USP22: variants seen among roughly 807,000 people sequenced by gnomAD.
USP22 encodes the protein ubiquitin specific peptidase 22.
Under a neutral mutation model 68.1 loss-of-function variants are expected in USP22, and 22 were observed. The observed-to-expected ratio is 0.32, with a 90% CI of 0.23 to 0.46. The LOEUF (loss-of-function observed/expected upper bound fraction) is 0.46. USP22 is among the 20% of genes least tolerant of loss of function. The probability of loss-of-function intolerance (pLI) is 1.00; values close to 1 mark genes in which losing one functional copy is unlikely to be tolerated. For missense variants in USP22, 433 were observed against 695.8 expected, an observed-to-expected ratio of 0.62 and a Z score of 4.25; for synonymous variants, 279 against 274.2, an observed-to-expected ratio of 1.02 and a Z score of -0.17.
At position 21,001,206 on chromosome 17, in the gene USP22, A is replaced by C. The variant is rs1913565245; in HGVS notation, c.*1825T>G. 1 of 152,216 alleles carries C rather than the reference A, an allele frequency of 6.6e-6. No homozygotes were observed. The highest frequency in any genetic ancestry group is 2.4e-5 in the African/African-American group (1 of 41,442). The allele number at this position is 152,216 out of a possible 1,614,324, so 9.4% of individuals were successfully genotyped here. A position where few individuals can be genotyped will look rare whatever the true frequency, so the allele number is the denominator to read the frequency against. On this transcript the variant is annotated 3_prime_UTR_variant, in exon 13 of 13. Coordinates refer to ENST00000261497, the MANE Select transcript of USP22 (RefSeq NM_015276.2). ...AACATGCTTCCATGTGAATTCTTTA[A>C]GTGCAGAAAAACAACAGAAAATGAA...
chr17:21,016,392 G>A (rs2054463), intron 5 of USP22, among the ~76,000 whole-genome samples: 1 of 151,574 alleles, frequency 6.6e-6, no homozygotes, highest in Non-Finnish European at 1.5e-5. Context: ...AACTCCAGCC[G>A]CAGACCCAGC....
Position 21,019,148 on chromosome 17 carries a change from T to C in USP22, c.456A>G (p.Lys152=). ...GEKFSTWEPT[K]RELELLKHNP... ...TGTGCTTCAGCAGTTCAAGCTCCCG[T>C]TTGGTTGGTTCCCAAGTTGAAAACT... The change falls in exon 4 of 13, where the codon AAA becomes AAG. Residue 152 remains lysine (K), a synonymous_variant. Transcript: ENST00000261497. The C allele has an allele frequency of 6.2e-7, 1 of 1,614,200 alleles. No homozygotes were observed.
intron 6 of USP22, among the ~76,000 whole-genome samples, chr17:21,014,285 A>T (rs900378956): frequency 2.0e-5 from 3 of 152,224 alleles, no homozygotes; most frequent in Non-Finnish European, 4.4e-5. Context: ...TGTCATGTGA[A>T]CATTTAACAG....
At chr17:21,031,501 C>G (rs1972290839) in intron 1 of USP22, among the ~76,000 whole-genome samples, 1 of 151,984 alleles carries the variant, frequency 6.6e-6, no homozygotes, top group East Asian at 1.9e-4. Flanking sequence ...TCTCTCTCTA[C>G]TACACAACCT....
intron 1 of USP22, among the ~76,000 whole-genome samples, chr17:21,031,688 C>T (rs1036754544): frequency 1.3e-5 from 2 of 150,468 alleles, no homozygotes; most frequent in Non-Finnish European, 3.0e-5. Flanking sequence ...TATAGTCTCT[C>T]TCTACTACAC....
chr17:21,039,615 T>TCAAGCCTG (rs1972401317), intron 1 of USP22, among the ~76,000 whole-genome samples: 1 of 152,120 alleles, frequency 6.6e-6, no homozygotes, highest in Non-Finnish European at 1.5e-5. Context: ...CAGAAATTTA[T>TCAAGCCTG]CAAGCCTGGT....
At position 21,018,164 on chromosome 17, in the gene USP22, G is replaced by A. The variant is rs555230777; in HGVS notation, c.521-53C>T. The A allele has an allele frequency of 3.5e-5, 52 of 1,485,544 alleles. No homozygotes were observed. In the South Asian group the frequency reaches 6.8e-4, roughly 20 times the overall value. The allele number at this position is 1,485,544 out of a possible 1,614,324, so 92.0% of individuals were successfully genotyped here. Reference sequence around the variant, plus strand: ...GTTACCTGTGTGCTGAACCACAGGTGTCGCTGGATCCCAGCGGCTTCCTCT... The same window carrying A: ...GTTACCTGTGTGCTGAACCACAGGTATCGCTGGATCCCAGCGGCTTCCTCT... On this transcript the variant is annotated intron_variant, in intron 4 of 12. Coordinates refer to ENST00000261497, the MANE Select transcript of USP22 (RefSeq NM_015276.2).
At chr17:21,035,363 T>G (rs1415097361) in intron 1 of USP22, among the ~76,000 whole-genome samples, 1 of 152,200 alleles carries the variant, frequency 6.6e-6, no homozygotes, top group Non-Finnish European at 1.5e-5. Context: ...AAGACTCACA[T>G]ATCCATTAGG....
At chr17:21,005,663 G>C (rs2143515061) in intron 10 of USP22, among the ~76,000 whole-genome samples, 1 of 152,328 alleles carries the variant, frequency 6.6e-6, no homozygotes, top group South Asian at 2.1e-4. Flanking sequence ...GTGTGCCACA[G>C]GGGTGGGACA....
chr17:21,018,265 T>TA, intron 4 of USP22, 154 bp from the exon 5 acceptor site: 2 of 682,792 alleles, frequency 2.9e-6, no homozygotes, highest in Non-Finnish European at 4.7e-6. Flanking sequence ...TGCTAGTTTT[T>TA]ATGCCACTTT....
chr17:21,007,043 G>A (rs1316463820), intron 9 of USP22, 56 bp from the exon 10 acceptor site: 1 of 1,461,208 alleles, frequency 6.8e-7, no homozygotes. Flanking sequence ...AAATGTCACT[G>A]GAAGCTTCAG....
intron 5 of USP22, among the ~76,000 whole-genome samples, chr17:21,017,403 C>T (rs948393595): frequency 2.0e-5 from 3 of 152,228 alleles, no homozygotes; most frequent in Non-Finnish European, 4.4e-5. Flanking sequence ...GAGGCGGCAG[C>T]CGTGAACGCC....
chr17:21,008,197 A>C (rs1913837708), intron 8 of USP22, among the ~76,000 whole-genome samples: 1 of 152,172 alleles, frequency 6.6e-6, no homozygotes, highest in Non-Finnish European at 1.5e-5. Flanking sequence ...TATCTTAAAT[A>C]TTTTTTTTCC....
chr17:21,038,651 G>A (rs1597702920), intron 1 of USP22, among the ~76,000 whole-genome samples: 1 of 145,588 alleles, frequency 6.9e-6, no homozygotes, highest in African/African-American at 2.6e-5. Context: ...CTGAGTGAGA[G>A]ACAGACCCTG....
intron 3 of USP22, 88 bp from the exon 4 acceptor site, chr17:21,019,273 T>A: frequency 1.5e-6 from 2 of 1,324,058 alleles, no homozygotes; most frequent in Non-Finnish European, 2.2e-6. Flanking sequence ...CGCTATGCTG[T>A]CTGTCAGGGT....
Position 21,042,888 on chromosome 17 carries a change from G to T in USP22, c.-53C>A. ...GGGCGGCGGCGAGGGAGGCGAGGAC[G>T]ACGCCAGCGCGGCGTGGGGGCTGCT... On this transcript the variant is annotated 5_prime_UTR_variant, in exon 1 of 13. Coordinates refer to ENST00000261497, the MANE Select transcript of USP22 (RefSeq NM_015276.2). The T allele has an allele frequency of 8.5e-7, 1 of 1,181,786 alleles. No homozygotes were observed. The highest frequency in any genetic ancestry group is 1.1e-6 in the Non-Finnish European group (1 of 943,806). The allele number at this position is 1,181,786 out of a possible 1,614,324, so 73.2% of individuals were successfully genotyped here.
intron 1 of USP22, among the ~76,000 whole-genome samples, chr17:21,034,615 C>T (rs752008896): frequency 2.0e-5 from 3 of 152,136 alleles, no homozygotes; most frequent in Non-Finnish European, 2.9e-5. Flanking sequence ...CCAGCTTCTC[C>T]GTGCCATCTA....
chr17:21,023,880 GTGA>G (rs1322676534), intron 2 of USP22, among the ~76,000 whole-genome samples: 1 of 152,172 alleles, frequency 6.6e-6, no homozygotes, highest in Non-Finnish European at 1.5e-5. Context: ...CCAGAGCTGT[GTGA>G]TGATTAGGTT....
intron 4 of USP22, 26 bp from the exon 5 acceptor site, chr17:21,018,137 G>T (rs753768076): frequency 2.0e-5 from 31 of 1,543,954 alleles, no homozygotes; most frequent in Non-Finnish European, 2.6e-5. Flanking sequence ...CAGAGAGCAG[G>T]AGTTACCTGT....
Sources: allele counts gnomAD v4.1 joint callset (sites outside exome capture counted in the v4.1 genomes callset), GRCh38; gene constraint gnomAD v4.1.1; transcripts MANE v1.5; gene names NCBI Gene and HGNC (gene_info 2026-07-23, HGNC 2026-07-21).